Variants in DNAAF9 observed in about 807,000 individuals in gnomAD.
The protein encoded by DNAAF9 is dynein axonemal assembly factor 9.
DNAAF9 carries 90 observed loss-of-function variants against 167.0 expected under a neutral mutation model. The ratio of observed to expected loss-of-function variants is 0.54; its 90% CI spans 0.45 to 0.64. DNAAF9 has a LOEUF of 0.64. Ranked by LOEUF, DNAAF9 falls within the 30% of genes least tolerant of loss-of-function variation. The pLI, the probability that DNAAF9 is intolerant of heterozygous loss-of-function variation, is 0.00. For synonymous variants in DNAAF9, 491 were observed against 508.8 expected, an observed-to-expected ratio of 0.96 and a Z score of 0.47; for missense variants, 1,315 against 1,442.2, an observed-to-expected ratio of 0.91 and a Z score of 1.43.
chr20:3,390,011 G>A (rs537465765), intron 1 of DNAAF9, among the ~76,000 whole-genome samples: 2 of 151,098 alleles, frequency 1.3e-5, no homozygotes, highest in African/African-American at 4.9e-5. Context: ...ACTCCAGCCT[G>A]GGCAACAGAG....
At chr20:3,278,373 T>G (rs760837778) in intron 29 of DNAAF9, among the ~76,000 whole-genome samples, 3 of 152,120 alleles carry the variant, frequency 2.0e-5, no homozygotes, top group African/African-American at 2.4e-5. Context: ...GAATGCCAGG[T>G]GGACTTAAGC....
chr20:3,391,505 G>C (rs1292946772), intron 1 of DNAAF9, among the ~76,000 whole-genome samples: 2 of 150,812 alleles, frequency 1.3e-5, no homozygotes, highest in Admixed American at 1.3e-4. Flanking sequence ...AAAACCTAAA[G>C]TCATCATTGA....
Position 3,368,495 on chromosome 20 carries a change from A to T in DNAAF9, c.612+5553T>A, listed in dbSNP as rs371292870. ...TTTTTTTTCTTTTTTGGCCAAACTTACTGACCAACTTCCTGGAAGCTTTTT... is the reference window on the plus strand; with the variant it reads ...TTTTTTTTCTTTTTTGGCCAAACTTTCTGACCAACTTCCTGGAAGCTTTTT... On this transcript the variant is annotated intron_variant, in intron 6 of 36. Transcript: ENST00000252032. 1.1e-4 allele frequency among the ~76,000 whole-genome samples: 15 copies of T among 138,998 alleles called. No individual in the cohort carries two copies. In the East Asian group the frequency reaches 2.5e-3, roughly 23 times the overall value. 91.2% of individuals were successfully genotyped at this position (138,998 alleles called of 152,430 possible). A position where few individuals can be genotyped will look rare whatever the true frequency, so the allele number is the denominator to read the frequency against.
chr20:3,350,683 G>A (rs1015873956), intron 7 of DNAAF9, among the ~76,000 whole-genome samples: 6 of 152,080 alleles, frequency 3.9e-5, no homozygotes, highest in Non-Finnish European at 7.4e-5. Context: ...AGATAAGGCT[G>A]GGATATCTTA....
chr20:3,381,525 G>A (rs2083653654), intron 2 of DNAAF9, 27 bp from the exon 3 acceptor site: 3 of 1,608,426 alleles, frequency 1.9e-6, no homozygotes, highest in Non-Finnish European at 2.5e-6. Flanking sequence ...GCTCTGATCA[G>A]CTGTACCATA....
intron 23 of DNAAF9, among the ~76,000 whole-genome samples, chr20:3,295,112 G>A (rs1436499258): frequency 3.3e-5 from 5 of 151,436 alleles, no homozygotes; most frequent in African/African-American, 7.3e-5. Flanking sequence ...CTCATGATCC[G>A]CCCACCTCGG....
intron 20 of DNAAF9, among the ~76,000 whole-genome samples, chr20:3,311,757 T>C (rs1267785171): frequency 2.0e-5 from 3 of 152,214 alleles, no homozygotes; most frequent in Non-Finnish European, 4.4e-5. Flanking sequence ...TCTAGGTATA[T>C]AGGCATGTGT....
intron 17 of DNAAF9, 35 bp from the exon 18 acceptor site, chr20:3,316,828 C>T (rs777949502): frequency 1.9e-6 from 3 of 1,550,682 alleles, no homozygotes; most frequent in Admixed American, 1.7e-5. Context: ...AGTTAATTCC[C>T]TACCAGCTCA....
rs1372321057 is a variant in DNAAF9, at chr20:3,287,747, GAAAACAT to G, written c.2364_2370del (p.Glu788AspfsTer14). 6.2e-7 allele frequency: 1 copy of G among 1,614,088 alleles called. No individual in the cohort carries two copies. Among genetic ancestry groups the G allele is most frequent in the Non-Finnish European group, 8.5e-7 (1 of 1,180,030 alleles). ...AGGTATCTCTGGAAGTGTGCAGCATGAAAACATTCAGAGCTGTCCATGATTTGGCGAT... is the reference window on the plus strand; with the variant it reads ...AGGTATCTCTGGAAGTGTGCAGCATGTCAGAGCTGTCCATGATTTGGCGAT... On this transcript the variant is annotated frameshift_variant, in exon 27 of 37. Transcript: ENST00000252032. LOFTEE classifies it high-confidence loss of function.
chr20:3,333,193 C>T (rs2069872462), intron 10 of DNAAF9, among the ~76,000 whole-genome samples: 1 of 152,038 alleles, frequency 6.6e-6, no homozygotes, highest in African/African-American at 2.4e-5. Flanking sequence ...TGTACATAGA[C>T]CCTGCGGAAG....
chr20:3,374,338 A>C (rs1483522643), intron 5 of DNAAF9, among the ~76,000 whole-genome samples, 184 bp from the exon 6 acceptor site: 1 of 152,268 alleles, frequency 6.6e-6, no homozygotes, highest in Non-Finnish European at 1.5e-5. Context: ...ATGAAAGTCA[A>C]GGAAAATTCA....
chr20:3,255,942 C>T lies in DNAAF9; in HGVS notation c.3261+64G>A, dbSNP rs1214062687. 3.9e-6 allele frequency: 5 copies of T among 1,290,158 alleles called. No individual in the cohort carries two copies. The East Asian group carries it at 9.6e-5, about 25-fold the overall frequency. The allele number at this position is 1,290,158 out of a possible 1,614,324, so 79.9% of individuals were successfully genotyped here. A position where few individuals can be genotyped will look rare whatever the true frequency, so the allele number is the denominator to read the frequency against. ...GAGGCAGTGGCGGGGCTTCTCAGGGCCAACAGCAGCTCTGAGGTGTCTGGT... is the reference window on the plus strand; with the variant it reads ...GAGGCAGTGGCGGGGCTTCTCAGGGTCAACAGCAGCTCTGAGGTGTCTGGT... On this transcript the variant is annotated intron_variant, in intron 34 of 36. Coordinates refer to ENST00000252032, the MANE Select transcript of DNAAF9 (RefSeq NM_001009984.3).
At chr20:3,291,962 A>G (rs1369998910) in intron 25 of DNAAF9, among the ~76,000 whole-genome samples, 1 of 150,848 alleles carries the variant, frequency 6.6e-6, no homozygotes, top group Admixed American at 6.6e-5. Flanking sequence ...ATGTACATAC[A>G]GCCAGACATG....
chr20:3,306,898 A>C (rs1419037142), intron 20 of DNAAF9: 1 of 985,146 alleles, frequency 1.0e-6, no homozygotes. Flanking sequence ...TCCAGAGATA[A>C]GAGGGCTCCA....
chr20:3,360,498 T>C (rs2083347209), intron 6 of DNAAF9, among the ~76,000 whole-genome samples: 1 of 152,210 alleles, frequency 6.6e-6, no homozygotes, highest in Non-Finnish European at 1.5e-5. Flanking sequence ...ATAACTTTTT[T>C]TACACAATGA....
At chr20:3,332,464 T>G (rs959642529) in intron 10 of DNAAF9, 103 bp from the exon 11 acceptor site, 2 of 605,172 alleles carry the variant, frequency 3.3e-6, no homozygotes, top group Admixed American at 2.9e-5. Context: ...TTTTCTTTTT[T>G]TTTTTTTGAG....
At chr20:3,394,945 T>TTTC (rs2083881339) in intron 1 of DNAAF9, among the ~76,000 whole-genome samples, 1 of 113,752 alleles carries the variant, frequency 8.8e-6, no homozygotes, top group African/African-American at 3.9e-5. Flanking sequence ...ACATTTTCTT[T>TTTC]TTTCTTTTTT....
At chr20:3,277,050 A>C (rs1600691962) in intron 29 of DNAAF9, among the ~76,000 whole-genome samples, 1 of 152,318 alleles carries the variant, frequency 6.6e-6, no homozygotes, top group African/African-American at 2.4e-5. Context: ...CTGATCATTA[A>C]GAAATGACAA....
At chr20:3,345,681 G>A (rs1217096006) in intron 8 of DNAAF9, among the ~76,000 whole-genome samples, 3 of 152,062 alleles carry the variant, frequency 2.0e-5, no homozygotes, top group Non-Finnish European at 4.4e-5. Context: ...TCAAAATCCA[G>A]AGGCAATGAA....
Sources: allele counts gnomAD v4.1 joint callset (sites outside exome capture counted in the v4.1 genomes callset), GRCh38; gene constraint gnomAD v4.1.1; transcripts MANE v1.5; gene names NCBI Gene and HGNC (gene_info 2026-07-23, HGNC 2026-07-21).